Variants in CCDC171 observed in about 807,000 individuals in gnomAD.
CCDC171 encodes the protein coiled-coil domain-containing protein 171.
In CCDC171, 177 loss-of-function variants were observed where a neutral mutation model predicts 168.2. The ratio of observed to expected loss-of-function variants is 1.05; its 90% CI spans 0.93 to 1.19. The LOEUF is 1.19. CCDC171 is among the 50% of genes most tolerant of loss of function. The pLI, the probability that CCDC171 is intolerant of heterozygous loss-of-function variation, is 0.00. For synonymous variants in CCDC171, 687 were observed against 540.8 expected (o/e 1.27, Z -3.75); for missense variants, 1,991 against 1,539.0 (o/e 1.29, Z -4.91).
At chr9:15,629,376 G>C (rs2132240643) in intron 7 of CCDC171, among the ~76,000 whole-genome samples, 1 of 152,338 alleles carries the variant, frequency 6.6e-6, no homozygotes, top group East Asian at 1.9e-4. Context: ...ACTACGTGAA[G>C]AATGCAGAAG....
chr9:15,891,515 C>A (rs898217709), intron 24 of CCDC171, among the ~76,000 whole-genome samples: 1 of 152,092 alleles, frequency 6.6e-6, no homozygotes, highest in Non-Finnish European at 1.5e-5. Flanking sequence ...ACGGGAGGTG[C>A]TGGTTATCAC....
At chr9:16,037,175 G>A (rs941548287) in intron 8 of CCDC171, among the ~76,000 whole-genome samples, 1 of 152,188 alleles carries the variant, frequency 6.6e-6, no homozygotes, top group African/African-American at 2.4e-5. Context: ...GAAATGATGT[G>A]TTTGAGGTGA....
intron 6 of CCDC171, among the ~76,000 whole-genome samples, chr9:15,608,779 C>G (rs2043409358): frequency 6.8e-6 from 1 of 147,032 alleles, no homozygotes; most frequent in African/African-American, 2.5e-5. Flanking sequence ...GAGACACTCT[C>G]TCTATGAAAA....
chr9:16,026,861 G>A (rs74880872), intron 6 of CCDC171, among the ~76,000 whole-genome samples: 1,537 of 152,338 alleles, frequency 0.01, 26 homozygotes, highest in African/African-American at 0.035. Flanking sequence ...ACAATTATGT[G>A]TATTGGTAAA....
At chr9:15,903,354 C>T (rs570124815) in intron 24 of CCDC171, among the ~76,000 whole-genome samples, 15 of 152,228 alleles carry the variant, frequency 9.9e-5, no homozygotes, top group South Asian at 8.3e-4. Context: ...AATGATCAGG[C>T]GGCAACCTTT....
chr9:16,014,054 C>T (rs577967450), intron 3 of CCDC171, among the ~76,000 whole-genome samples: 1 of 152,084 alleles, frequency 6.6e-6, no homozygotes, highest in Non-Finnish European at 1.5e-5. Flanking sequence ...GGTTTCTCTG[C>T]AGCATGTGAT....
At chr9:15,570,344 T>C (rs895704158) in intron 2 of CCDC171, among the ~76,000 whole-genome samples, 1 of 151,906 alleles carries the variant, frequency 6.6e-6, no homozygotes, top group African/African-American at 2.4e-5. Context: ...GGATGTGACA[T>C]ATGGATGATA....
chr9:15,737,146 A>G (rs1265571942), intron 16 of CCDC171, among the ~76,000 whole-genome samples: 4 of 152,036 alleles, frequency 2.6e-5, no homozygotes, highest in Non-Finnish European at 5.9e-5. Context: ...TAAGAATATC[A>G]AGATAATTTT....
intron 3 of CCDC171, among the ~76,000 whole-genome samples, chr9:15,577,785 C>T (rs528292926): frequency 6.6e-6 from 1 of 152,198 alleles, no homozygotes; most frequent in Non-Finnish European, 1.5e-5. Context: ...CTGGACAAAG[C>T]AAGGCCCATG....
Position 15,697,506 on chromosome 9 carries a change from A to G in CCDC171, c.1318+2169A>G, listed in dbSNP as rs527740624. Among the ~76,000 whole-genome samples, 63 of 152,294 alleles carry G rather than the reference A, an allele frequency of 4.1e-4. 1 individual carries two copies. In the South Asian group the frequency reaches 0.013, roughly 31 times the overall value. On this transcript the variant is annotated intron_variant, in intron 11 of 25. Coordinates refer to ENST00000380701, the MANE Select transcript of CCDC171 (RefSeq NM_173550.4). ...GGTTTCATTCCTCCTATTGGCTTGC[A>G]TAAAACAGCTCTGTGCCTTTATAAT...
chr9:16,101,472 A>T, the CCDC171 span, among the ~76,000 whole-genome samples: 2 of 152,242 alleles, frequency 1.3e-5, no homozygotes, highest in Non-Finnish European at 2.9e-5. Flanking sequence ...AAACCCGTGA[A>T]TGTGATGCAA....
chr9:15,695,795 A>T (rs1372535725), intron 11 of CCDC171, among the ~76,000 whole-genome samples: 2 of 152,204 alleles, frequency 1.3e-5, no homozygotes, highest in Admixed American at 6.5e-5. Context: ...GCTGGTTTTC[A>T]TTTCCTACTA....
chr9:15,899,868 G>C (rs1318686338), intron 24 of CCDC171, among the ~76,000 whole-genome samples: 10 of 151,842 alleles, frequency 6.6e-5, no homozygotes, highest in African/African-American at 2.2e-4. Flanking sequence ...ATGAAGTTCA[G>C]TTTATTGTTT....
At chr9:15,574,179 C>G (rs1192219097) in intron 3 of CCDC171, among the ~76,000 whole-genome samples, 2 of 150,778 alleles carry the variant, frequency 1.3e-5, no homozygotes, top group Non-Finnish European at 2.9e-5. Flanking sequence ...CTCACTCAGT[C>G]TGTTGTCCAG....
chr9:15,782,186 T>A (rs2135454535), intron 20 of CCDC171, among the ~76,000 whole-genome samples: 1 of 152,344 alleles, frequency 6.6e-6, no homozygotes, highest in Admixed American at 6.5e-5. Context: ...ACAGCTTCTT[T>A]ATAGTTGGTC....
intron 12 of CCDC171, among the ~76,000 whole-genome samples, chr9:15,723,076 A>T (rs1314677464): frequency 1.3e-5 from 2 of 152,176 alleles, no homozygotes; most frequent in African/African-American, 4.8e-5. Context: ...CAGAGACAGC[A>T]GTGGGGAGAC....
At chr9:15,555,729 A>G (rs563606534) in intron 1 of CCDC171, among the ~76,000 whole-genome samples, 3 of 152,200 alleles carry the variant, frequency 2.0e-5, no homozygotes, top group Admixed American at 2.0e-4. Flanking sequence ...ACATGTGCAC[A>G]ATGTGCAGGT....
chr9:15,905,531 A>C (rs910305669), intron 24 of CCDC171, among the ~76,000 whole-genome samples: 2 of 152,332 alleles, frequency 1.3e-5, no homozygotes, highest in East Asian at 3.8e-4. Flanking sequence ...CAGTGTGTAG[A>C]GGGAAGTTTA....
chr9:16,090,910 G>A, the CCDC171 span, among the ~76,000 whole-genome samples: 3 of 152,196 alleles, frequency 2.0e-5, no homozygotes, highest in Admixed American at 1.3e-4. Flanking sequence ...AGTAATTCTC[G>A]AAAGTTGAGA....
Sources: gnomAD v4.1 joint callset for allele counts (sites outside exome capture counted in the v4.1 genomes callset) on GRCh38, gnomAD v4.1.1 for gene constraint, MANE v1.5 for transcripts, NCBI Gene and HGNC (gene_info 2026-07-23, HGNC 2026-07-21) for gene names.